LRPPRC: variants seen among roughly 807,000 people sequenced by gnomAD.
LRPPRC encodes the protein leucine-rich PPR motif-containing protein, mitochondrial.
Under a neutral mutation model 180.3 loss-of-function variants are expected in LRPPRC, and 120 were observed. The observed-to-expected ratio is 0.67, with a 90% CI of 0.57 to 0.77. The LOEUF is 0.77. LRPPRC is among the 30% of genes least tolerant of loss of function. LRPPRC has a pLI of 0.00. For synonymous variants in LRPPRC, 723 were observed against 600.0 expected, an observed-to-expected ratio of 1.21 and a Z score of -3.00; for missense variants, 2,012 against 1,657.2, an observed-to-expected ratio of 1.21 and a Z score of -3.72.
At chr2:43,898,199 C>T (rs776809641) in intron 34 of LRPPRC, among the ~76,000 whole-genome samples, 1 of 151,962 alleles carries the variant, frequency 6.6e-6, no homozygotes, top group South Asian at 2.1e-4. Flanking sequence ...CTAATTCACC[C>T]TTTATAAAAC....
intron 27 of LRPPRC, among the ~76,000 whole-genome samples, chr2:43,924,509 G>A (rs1384408924): frequency 6.6e-6 from 1 of 152,162 alleles, no homozygotes; most frequent in Non-Finnish European, 1.5e-5. Flanking sequence ...AATAGGAGAT[G>A]ATAGGCTGAA....
intron 14 of LRPPRC, among the ~76,000 whole-genome samples, chr2:43,956,387 AGAT>A (rs1472400359): frequency 1.3e-5 from 2 of 152,262 alleles, no homozygotes; most frequent in Admixed American, 6.5e-5. Flanking sequence ...GTGATTTTAG[AGAT>A]GATGACTTTA....
chr2:43,975,251 T>G, intron 6 of LRPPRC, 34 bp from the exon 7 acceptor site: 6 of 1,589,474 alleles, frequency 3.8e-6, no homozygotes, highest in Non-Finnish European at 5.2e-6. Context: ...ATTATTATGC[T>G]TTTGCCAAAT....
intron 2 of LRPPRC, among the ~76,000 whole-genome samples, chr2:43,980,200 C>CA (rs1477165796): frequency 6.6e-6 from 1 of 152,056 alleles, no homozygotes; most frequent in Non-Finnish European, 1.5e-5. Flanking sequence ...CTATCAAATA[C>CA]AAAAATACAA....
In LRPPRC at chr2:43,934,161, C is replaced by T. The variant is rs1175417334; in HGVS notation, c.2736+29G>A. The T allele has an allele frequency of 1.5e-5, 19 of 1,251,886 alleles. 1 individual carries two copies. The South Asian group carries it at 1.6e-4, about 10-fold the overall frequency. The allele number at this position is 1,251,886 out of a possible 1,614,324, so 77.5% of individuals were successfully genotyped here. A position where few individuals can be genotyped will look rare whatever the true frequency, so the allele number is the denominator to read the frequency against. ...CTAATTAAGAGTCTAAATAGCTCTA[C>T]AATTAGAACACTGTAGTTAAAATCA... On this transcript the variant is annotated intron_variant, in intron 25 of 37. Coordinates refer to ENST00000260665, the MANE Select transcript of LRPPRC (RefSeq NM_133259.4).
chr2:43,992,504 C>A (rs552656200), intron 1 of LRPPRC, among the ~76,000 whole-genome samples: 1 of 152,206 alleles, frequency 6.6e-6, no homozygotes, highest in Non-Finnish European at 1.5e-5. Flanking sequence ...GCTAAAGAGT[C>A]TGGATCTCCT....
rs1256265231 is a variant in LRPPRC, at chr2:43,982,391, C to G, written c.193G>C (p.Glu65Gln). The change falls in exon 2 of 38, where the codon GAA becomes CAA. Residue 65 changes from glutamate (E) to glutamine (Q), a missense_variant. Coordinates refer to ENST00000260665, the MANE Select transcript of LRPPRC (RefSeq NM_133259.4). The part of the protein sequence containing the change: ...PARLYAIAAK[E>Q]KDIQEESTFS... ...GTGGACTCCTCTTGAATATCTTTTT[C>G]TTTGGCAGCAATGGCATACAGCCTG... 1 of 1,614,014 alleles carries G rather than the reference C, an allele frequency of 6.2e-7. No individual in the cohort carries two copies. Among genetic ancestry groups the G allele is most frequent in the Non-Finnish European group, 8.5e-7 (1 of 1,179,954 alleles).
intron 35 of LRPPRC, among the ~76,000 whole-genome samples, chr2:43,895,260 A>G (rs1670639583): frequency 1.3e-5 from 2 of 152,168 alleles, no homozygotes; most frequent in Non-Finnish European, 2.9e-5. Context: ...CACCAAGAGG[A>G]GCAAAATCTG....
chr2:43,907,950 T>C (rs992443925), intron 30 of LRPPRC, among the ~76,000 whole-genome samples: 2 of 152,168 alleles, frequency 1.3e-5, no homozygotes, highest in African/African-American at 2.4e-5. Context: ...GTATAATACA[T>C]GTAAAAATAT....
At chr2:43,989,763 G>A (rs1674688832) in intron 1 of LRPPRC, among the ~76,000 whole-genome samples, 1 of 152,188 alleles carries the variant, frequency 6.6e-6, no homozygotes, top group South Asian at 2.1e-4. Flanking sequence ...TGCAACATAT[G>A]TAAAACATTT....
intron 1 of LRPPRC, among the ~76,000 whole-genome samples, chr2:43,994,811 G>A (rs1674949057): frequency 6.6e-6 from 1 of 152,102 alleles, no homozygotes; most frequent in African/African-American, 2.4e-5. Context: ...CACTACAAAA[G>A]TCTATACCAA....
intron 32 of LRPPRC, among the ~76,000 whole-genome samples, chr2:43,900,925 T>G (rs1221906652): frequency 6.6e-6 from 1 of 152,084 alleles, no homozygotes; most frequent in African/African-American, 2.4e-5. Flanking sequence ...AATACGGAAA[T>G]GCACATTTTT....
At position 43,974,314 on chromosome 2, in the gene LRPPRC, C is replaced by T; in HGVS notation, c.1010-19G>A. 5.7e-6 allele frequency: 9 copies of T among 1,585,190 alleles called. No homozygotes were observed. Among genetic ancestry groups the T allele is most frequent in the Non-Finnish European group, 6.9e-6 (8 of 1,153,710 alleles). The stretch of plus-strand genomic sequence containing the variant: ...ATTGCATCTGGGAAGAAAACAAAGA[C>T]ATCTTTTGTTAATAAACTGAACAAT... On this transcript the variant is annotated intron_variant, in intron 8 of 37. Coordinates refer to ENST00000260665, the MANE Select transcript of LRPPRC (RefSeq NM_133259.4).
Position 43,990,998 on chromosome 2 carries a change from AC to A in LRPPRC, c.149+4800del, listed in dbSNP as rs565789634. 5.9e-3 allele frequency among the ~76,000 whole-genome samples: 889 copies of A among 151,496 alleles called. 9 individuals are homozygous for A. The highest frequency in any genetic ancestry group is 0.02 in the African/African-American group (845 of 41,306). On this transcript the variant is annotated intron_variant, in intron 1 of 37. Coordinates refer to ENST00000260665, the MANE Select transcript of LRPPRC (RefSeq NM_133259.4). The stretch of plus-strand genomic sequence containing the variant: ...GTAGCTGGGATTACAGGCATGGGCC[AC>A]CACGCCTGGCTAACTTATGTATAGA...
rs1432184784 is a variant in LRPPRC at position 43,970,530 on chromosome 2, TATAA to T, written c.1369+3073_1369+3076del. On this transcript the variant is annotated intron_variant, in intron 11 of 37. Coordinates refer to ENST00000260665, the MANE Select transcript of LRPPRC (RefSeq NM_133259.4). The stretch of plus-strand genomic sequence containing the variant: ...TAAAATAATCTTACATTAACTTAGA[TATAA>T]ATAGATTCCAAACCTCTGTGAACAC... Among the ~76,000 whole-genome samples the T allele has an allele frequency of 2.8e-4, 42 of 152,182 alleles. 1 individual carries two copies. The highest frequency in any genetic ancestry group is 8.9e-4 in the African/African-American group (37 of 41,452).
At chr2:43,971,493 A>AAAAAAAAAG (rs1673805850) in intron 11 of LRPPRC, among the ~76,000 whole-genome samples, 3 of 147,112 alleles carry the variant, frequency 2.0e-5, no homozygotes, top group Non-Finnish European at 4.5e-5. Context: ...AGTAAAAAAA[A>AAAAAAAAAG]AAAAAAAAAA....
chr2:43,981,775 T>C (rs1178229721), intron 2 of LRPPRC, among the ~76,000 whole-genome samples: 1 of 151,978 alleles, frequency 6.6e-6, no homozygotes, highest in Non-Finnish European at 1.5e-5. Flanking sequence ...ACAAAGAAAA[T>C]TAAAGTATCA....
At chr2:43,994,212 G>C (rs148296173) in intron 1 of LRPPRC, among the ~76,000 whole-genome samples, 1 of 152,150 alleles carries the variant, frequency 6.6e-6, no homozygotes, top group Non-Finnish European at 1.5e-5. Flanking sequence ...GCATGATTTC[G>C]GAAAGTTAAC....
At chr2:43,915,232 T>TCTCTCACA (rs1174216406) in intron 29 of LRPPRC, among the ~76,000 whole-genome samples, 103 of 51,880 alleles carry the variant, frequency 2.0e-3, no homozygotes, top group Non-Finnish European at 3.2e-3. Context: ...TCTCTCTCTC[T>TCTCTCACA]CACACACACA....
Sources: gnomAD v4.1 joint callset for allele counts (sites outside exome capture counted in the v4.1 genomes callset) on GRCh38, gnomAD v4.1.1 for gene constraint, MANE v1.5 for transcripts, NCBI Gene and HGNC (gene_info 2026-07-23, HGNC 2026-07-21) for gene names.